The following MYH11 variants were observed in gnomAD, a reference collection of about 807,000 sequenced individuals.
The protein encoded by MYH11 is myosin heavy chain 11.
Under a neutral mutation model 246.6 loss-of-function variants are expected in MYH11, and 80 were observed. The observed-to-expected ratio is 0.32, with a 90% confidence interval of 0.27 to 0.39. The LOEUF (loss-of-function observed/expected upper bound fraction) is 0.39, where lower values mean the gene tolerates loss of function less well. Among genes scored for constraint, MYH11 ranks in the 10% least tolerant of loss-of-function variants. The pLI is 1.00. For synonymous variants in MYH11, 1,071 were observed against 1,015.5 expected, an observed-to-expected ratio of 1.05 and a Z score of -1.04; for missense variants, 2,158 against 2,546.8, an observed-to-expected ratio of 0.85 and a Z score of 3.29.
chr16:15,838,074 A>C lies in MYH11; in HGVS notation c.179T>G (p.Val60Gly). Residue 60 changes from valine to glycine, a missense_variant, in exon 2 of 41, where the codon GTG becomes GGG. Coordinates refer to ENST00000300036, the MANE Select transcript of MYH11 (RefSeq NM_002474.3). ...CTTCTTGCCATTCTCCACCAGCTCC[A>C]CAACCACCTCATCCCCCTTCTCCTC... ...IKEEKGDEVV[V>G]ELVENGKKVT... 1 of 1,613,894 alleles carries C rather than the reference A, an allele frequency of 6.2e-7. No individual in the cohort carries two copies. The highest frequency in any genetic ancestry group is 8.5e-7 in the Non-Finnish European group (1 of 1,179,980).
Position 15,715,005 on chromosome 16 carries a change from T to G in MYH11, c.5690A>C (p.Asn1897Thr), listed in dbSNP as rs776619789. Residue 1897 changes from asparagine to threonine, a missense_variant, in exon 40 of 41, where the codon AAC becomes ACC. Around this residue, in one of 11 missense-constraint regions of MYH11, gnomAD observed 1,013 missense variants for 993.5 expected, o/e 1.02. Transcript: ENST00000300036. ...EEAEEESQRINANRRKLQREL... is the reference protein window; with the variant it reads ...EEAEEESQRITANRRKLQREL... ...CCGCTGCAGCTTCCTGCGGTTGGCG[T>G]TGATGCGCTGGGACTCCTCCTCTGC... 2 of 1,614,018 alleles carry G rather than the reference T, an allele frequency of 1.2e-6. No individual in the cohort carries two copies. Among genetic ancestry groups the G allele is most frequent in the East Asian group, 4.5e-5 (2 of 44,878 alleles).
At chr16:15,771,435 CTTTTTTTT>C (rs200813930) in intron 9 of MYH11, 126 bp downstream of exon 9, 411 of 703,120 alleles carry the variant, frequency 5.8e-4, no homozygotes, top group East Asian at 3.7e-3. Flanking sequence ...CATTTTCCTC[CTTTTTTTT>C]TTTTTTTTTT....
intron 6 of MYH11, among the ~76,000 whole-genome samples, chr16:15,781,153 G>A (rs776550360): frequency 1.3e-5 from 2 of 152,118 alleles, no homozygotes; most frequent in Non-Finnish European, 2.9e-5. Context: ...TGATCTGCCC[G>A]CCTCAGTCTC....
At chr16:15,729,109 G>T (rs959190226) in intron 27 of MYH11, among the ~76,000 whole-genome samples, 2 of 152,040 alleles carry the variant, frequency 1.3e-5, no homozygotes, top group Middle Eastern at 3.4e-3. Context: ...CCAGACCTCA[G>T]ATGGGGACAG....
intron 40 of MYH11, among the ~76,000 whole-genome samples, chr16:15,706,666 C>T (rs2039473298): frequency 1.3e-5 from 2 of 151,642 alleles, no homozygotes; most frequent in East Asian, 1.9e-4. Flanking sequence ...AACGTTGTGC[C>T]ACTGCACTCC....
rs752970257 is a variant in MYH11, at chr16:15,747,974, T to C, written c.2181-31A>G. 1.1e-5 allele frequency: 17 copies of C among 1,613,850 alleles called. No homozygotes were observed. The African/African-American group carries it at 1.7e-4, about 16-fold the overall frequency. ...AACACAGAGCAGAAGTCACCCCGGGTACCTCCAGCATCCATTCCTCCACCC... is the reference window on the plus strand; with the variant it reads ...AACACAGAGCAGAAGTCACCCCGGGCACCTCCAGCATCCATTCCTCCACCC... On this transcript the variant is annotated intron_variant, in intron 17 of 40. Coordinates refer to ENST00000300036, the MANE Select transcript of MYH11 (RefSeq NM_002474.3).
At chr16:15,713,443 A>AG (rs1206666953) in intron 40 of MYH11, 1 of 152,100 alleles carries the variant, frequency 6.6e-6, no homozygotes, top group Non-Finnish European at 1.5e-5. Context: ...AAGATGAGGG[A>AG]GGGGTGTGGG....
chr16:15,720,991 G>T lies in MYH11; in HGVS notation c.4639C>A (p.Gln1547Lys). The T allele has an allele frequency of 6.2e-7, 1 of 1,614,106 alleles. No homozygotes were observed. The highest frequency in any genetic ancestry group is 8.5e-7 in the Non-Finnish European group (1 of 1,180,036). The change falls in exon 33 of 41, where the codon CAG (glutamine) becomes AAG (lysine). Residue 1547 changes from glutamine to lysine, a missense_variant. By Grantham distance (53) the Gln-to-Lys change is moderately conservative. Around this residue, in one of 11 missense-constraint regions of MYH11, gnomAD observed 1,013 missense variants for 993.5 expected, o/e 1.02. Coordinates refer to ENST00000300036, the MANE Select transcript of MYH11 (RefSeq NM_002474.3). ...AGCTCGTCCTCCAGCTCTTCCAGCT[G>T]CGTCTTCATCTCCTCCATCTGGGTC... ...LETQMEEMKT[Q>K]LEELEDELQA...
chr16:15,855,672 AGG>A (rs1352120909), intron 1 of MYH11, among the ~76,000 whole-genome samples: 6 of 152,246 alleles, frequency 3.9e-5, no homozygotes, highest in African/African-American at 9.6e-5. Flanking sequence ...GCTATCTCAA[AGG>A]GAAAACATCA....
intron 3 of MYH11, among the ~76,000 whole-genome samples, chr16:15,803,187 T>C (rs17286649): frequency 0.5 from 76,044 of 151,778 alleles, 22,283 homozygotes; most frequent in African/African-American, 0.83. Context: ...CTCTCCATTA[T>C]ACTCTGGAGA....
rs3073439 is a variant in MYH11, at chr16:15,766,344, G to GGTGTGT, written c.1034-2459_1034-2454dup. ...TATGTGAAGTGTACCCATGTTTTTT[G>GGTGTGT]GTGTGTGTGTGTGTGTGTGTGTGTG... On this transcript the variant is annotated intron_variant, in intron 9 of 40. Transcript: ENST00000300036. Among the ~76,000 whole-genome samples, 1,018 of 136,760 alleles carry GGTGTGT rather than the reference G, an allele frequency of 7.4e-3. 15 individuals are homozygous for GGTGTGT. Among genetic ancestry groups the GGTGTGT allele is most frequent in the Admixed American group, 0.012 (171 of 13,682 alleles). The allele number at this position is 136,760 out of a possible 152,430, so 89.7% of individuals were successfully genotyped here.
intron 3 of MYH11, among the ~76,000 whole-genome samples, chr16:15,816,081 G>A (rs775272511): frequency 2.6e-5 from 4 of 152,152 alleles, no homozygotes; most frequent in African/African-American, 7.2e-5. Flanking sequence ...TCAAGATCAC[G>A]TACATTCTTT....
chr16:15,783,450 G>A (rs2042401372), intron 5 of MYH11: 1 of 152,236 alleles, frequency 6.6e-6, no homozygotes, highest in Non-Finnish European at 1.5e-5. Flanking sequence ...CAGGGTACCT[G>A]GTCTACAGGA....
intron 3 of MYH11, among the ~76,000 whole-genome samples, chr16:15,803,961 G>T (rs560735664): frequency 1.3e-5 from 2 of 152,246 alleles, no homozygotes; most frequent in East Asian, 1.9e-4. Flanking sequence ...ACTCCATGTG[G>T]GTGCTGTCTG....
intron 3 of MYH11, among the ~76,000 whole-genome samples, chr16:15,809,947 G>C (rs568555200): frequency 6.6e-6 from 1 of 152,198 alleles, no homozygotes; most frequent in East Asian, 1.9e-4. Flanking sequence ...AAACAAGGAA[G>C]GTGTTGCCAA....
chr16:15,745,014 C>T (rs540486016), intron 20 of MYH11, 115 bp downstream of exon 20: 4 of 806,292 alleles, frequency 5.0e-6, no homozygotes, highest in Admixed American at 1.8e-5. Context: ...GGTCTGAGTT[C>T]GAGCCCTCCA....
intron 3 of MYH11, among the ~76,000 whole-genome samples, chr16:15,799,290 T>A (rs1160401242): frequency 6.6e-6 from 1 of 152,174 alleles, no homozygotes; most frequent in Non-Finnish European, 1.5e-5. Context: ...CCAGGCTGCA[T>A]TGGTCAGACT....
chr16:15,720,362 C>A (rs1046323387), intron 33 of MYH11, 50 bp from the exon 34 acceptor site: 13 of 1,583,976 alleles, frequency 8.2e-6, no homozygotes, highest in Admixed American at 1.8e-5. Flanking sequence ...CTGGGAGGTC[C>A]TTTGGCTCAC....
chr16:15,749,804 T>C, intron 16 of MYH11: 1 of 453,730 alleles, frequency 2.2e-6, no homozygotes, highest in Non-Finnish European at 4.0e-6. Context: ...CACCAGATTA[T>C]GAGAAACCCA....
Sources: allele counts gnomAD v4.1 joint callset (sites outside exome capture counted in the v4.1 genomes callset), GRCh38; gene constraint gnomAD v4.1.1; regional missense constraint gnomAD v4.1.1; transcripts MANE v1.5; gene names NCBI Gene and HGNC (gene_info 2026-07-23, HGNC 2026-07-21).